The following TMEM135 variants were observed in gnomAD, a reference collection of about 807,000 sequenced individuals.
TMEM135 encodes the protein peroxisomal membrane protein 52.
A neutral mutation model predicts 60.3 loss-of-function variants in TMEM135; 30 were observed. The ratio of observed to expected loss-of-function variants is 0.50; its 90% CI spans 0.37 to 0.68. TMEM135 has a LOEUF of 0.68. TMEM135 is among the 30% of genes least tolerant of loss of function. The pLI is 0.00. For synonymous variants in TMEM135, 190 were observed against 186.7 expected (o/e 1.02, Z -0.14); for missense variants, 468 against 548.8 (o/e 0.85, Z 1.47).
chr11:87,062,750 C>T (rs1376613310), intron 1 of TMEM135, among the ~76,000 whole-genome samples: 1 of 152,018 alleles, frequency 6.6e-6, no homozygotes, highest in African/African-American at 2.4e-5. Flanking sequence ...GCGTGAGCCA[C>T]TGCACTCGGC....
At chr11:87,123,144 T>C (rs1433374057) in intron 4 of TMEM135, among the ~76,000 whole-genome samples, 1 of 152,224 alleles carries the variant, frequency 6.6e-6, no homozygotes, top group Non-Finnish European at 1.5e-5. Flanking sequence ...TTAAAACTGT[T>C]TATGTTAGTC....
At chr11:87,281,670 A>G (rs966032115) in intron 6 of TMEM135, among the ~76,000 whole-genome samples, 1 of 152,186 alleles carries the variant, frequency 6.6e-6, no homozygotes, top group Non-Finnish European at 1.5e-5. Context: ...CCCTGGAGAA[A>G]CTTTATACTT....
At chr11:87,047,375 G>A (rs961411594) in intron 1 of TMEM135, among the ~76,000 whole-genome samples, 2 of 151,780 alleles carry the variant, frequency 1.3e-5, no homozygotes, top group Non-Finnish European at 2.9e-5. Flanking sequence ...CGCAGAAGAC[G>A]GGTGATTTCT....
At chr11:87,226,304 T>C (rs1940762829) in intron 5 of TMEM135, among the ~76,000 whole-genome samples, 1 of 152,224 alleles carries the variant, frequency 6.6e-6, no homozygotes, top group South Asian at 2.1e-4. Flanking sequence ...TAGTCCCAGC[T>C]CTGAGAGTAT....
intron 4 of TMEM135, among the ~76,000 whole-genome samples, chr11:87,129,807 C>T (rs549697457): frequency 2.0e-5 from 3 of 152,076 alleles, no homozygotes; most frequent in South Asian, 2.1e-4. Flanking sequence ...TCCGAAAGTT[C>T]TGGGATTACA....
At chr11:87,118,081 A>T (rs1405026866) in intron 4 of TMEM135, among the ~76,000 whole-genome samples, 5 of 150,936 alleles carry the variant, frequency 3.3e-5, no homozygotes, top group African/African-American at 4.9e-5. Context: ...TTTGAAAGGA[A>T]TTTTTTTTTT....
At chr11:87,259,072 A>AC in intron 6 of TMEM135, 1 of 1,245,256 alleles carries the variant, frequency 8.0e-7, no homozygotes, top group Non-Finnish European at 1.2e-6. Flanking sequence ...AAAGAGGGAG[A>AC]GAAAGAAGAG....
intron 7 of TMEM135, among the ~76,000 whole-genome samples, chr11:87,298,134 G>A (rs963874569): frequency 3.5e-4 from 53 of 152,260 alleles, no homozygotes; most frequent in African/African-American, 1.1e-3. Context: ...TATTGTAGAC[G>A]TATGCTGTAA....
Position 87,328,231 on chromosome 11 carries a change from G to A in TMEM135, c.*6898G>A. 1 of 453,986 alleles carries A rather than the reference G, an allele frequency of 2.2e-6. No individual in the cohort carries two copies. Among genetic ancestry groups the A allele is most frequent in the East Asian group, 6.9e-5 (1 of 14,390 alleles). The allele number at this position is 453,986 out of a possible 1,614,324, so 28.1% of individuals were successfully genotyped here. ...TTATATCCTTCTCTCTCTTGATTTA[G>A]AATTCTCTTTTTCTCCACTCTTCTG... On this transcript the variant is annotated 3_prime_UTR_variant, in exon 15 of 15. Coordinates refer to ENST00000305494, the MANE Select transcript of TMEM135 (RefSeq NM_022918.4).
chr11:87,208,808 G>A (rs1330793199), intron 5 of TMEM135, among the ~76,000 whole-genome samples: 1 of 152,138 alleles, frequency 6.6e-6, no homozygotes, highest in Non-Finnish European at 1.5e-5. Flanking sequence ...CTTAAAGGCT[G>A]CTAGAGACAA....
chr11:87,062,433 G>A (rs1461290439), intron 1 of TMEM135, among the ~76,000 whole-genome samples: 2 of 11,462 alleles, frequency 1.7e-4, no homozygotes, highest in Non-Finnish European at 3.8e-4. Context: ...CCCCCCCCCC[G>A]CATAGATGTC....
At chr11:87,302,987 T>C (rs1370010489) in intron 8 of TMEM135, among the ~76,000 whole-genome samples, 5 of 152,100 alleles carry the variant, frequency 3.3e-5, no homozygotes, top group African/African-American at 1.2e-4. Context: ...TTTAATAGTT[T>C]GAAATTAGAT....
chr11:87,277,529 G>GT (rs71043606), intron 6 of TMEM135: 55,322 of 151,464 alleles, frequency 0.37, 10,685 homozygotes, highest in Non-Finnish European at 0.43. Context: ...TTTGTTTTTT[G>GT]TTTTTTTTTG....
intron 12 of TMEM135, among the ~76,000 whole-genome samples, chr11:87,315,606 G>T (rs1372908958): frequency 2.6e-5 from 4 of 151,896 alleles, no homozygotes; most frequent in Non-Finnish European, 5.9e-5. Context: ...GCAAAATGAT[G>T]AAAAATACTA....
intron 1 of TMEM135, among the ~76,000 whole-genome samples, chr11:87,059,575 C>T (rs1322242741): frequency 2.0e-5 from 3 of 152,112 alleles, no homozygotes; most frequent in African/African-American, 7.2e-5. Context: ...CTCAGCCTCC[C>T]AAAGTTCTGG....
At chr11:87,292,288 A>G (rs1034377495) in intron 6 of TMEM135, among the ~76,000 whole-genome samples, 1 of 152,116 alleles carries the variant, frequency 6.6e-6, no homozygotes, top group Non-Finnish European at 1.5e-5. Flanking sequence ...ACTATATGAC[A>G]TATTTACTTT....
chr11:87,113,744 G>A (rs1383069174), intron 4 of TMEM135, among the ~76,000 whole-genome samples: 1 of 122,438 alleles, frequency 8.2e-6, no homozygotes, highest in Non-Finnish European at 1.7e-5. Flanking sequence ...CAGGACTTTG[G>A]TCACTAAGAA....
chr11:87,287,933 A>G (rs1242567750), intron 6 of TMEM135, among the ~76,000 whole-genome samples: 1 of 152,154 alleles, frequency 6.6e-6, no homozygotes, highest in African/African-American at 2.4e-5. Flanking sequence ...GCCCTGTTCA[A>G]TCTGTTCCTA....
At chr11:87,115,376 T>G (rs1857853767) in intron 4 of TMEM135, among the ~76,000 whole-genome samples, 1 of 152,278 alleles carries the variant, frequency 6.6e-6, no homozygotes, top group Non-Finnish European at 1.5e-5. Context: ...ATCTCTATCC[T>G]TACATTTCAA....
Sources: allele counts gnomAD v4.1 joint callset (sites outside exome capture counted in the v4.1 genomes callset), GRCh38; gene constraint gnomAD v4.1.1; transcripts MANE v1.5; gene names NCBI Gene and HGNC (gene_info 2026-07-23, HGNC 2026-07-21).